The following IFNGR1 variants were observed in gnomAD, a reference collection of about 807,000 sequenced individuals.
IFNGR1 encodes interferon gamma receptor 1.
A neutral mutation model predicts 35.4 loss-of-function variants in IFNGR1; 23 were observed. The ratio of observed to expected loss-of-function variants is 0.65; its 90% CI spans 0.47 to 0.92. The LOEUF (loss-of-function observed/expected upper bound fraction) is 0.92, where lower values mean the gene tolerates loss of function less well. Among genes scored for constraint, IFNGR1 ranks in the 40% least tolerant of loss-of-function variants. IFNGR1 has a pLI of 0.00. For missense variants in IFNGR1, 533 were observed against 583.4 expected, an observed-to-expected ratio of 0.91 and a Z score of 0.89; for synonymous variants, 199 against 209.5, an observed-to-expected ratio of 0.95 and a Z score of 0.43.
chr6:137,209,909 T>G (rs901060551), intron 1 of IFNGR1: 16 of 398,520 alleles, frequency 4.0e-5, no homozygotes, highest in Middle Eastern at 6.2e-4. Flanking sequence ...CTCTCTGGGG[T>G]GTGCAGGGCT....
Position 137,215,147 on chromosome 6 carries a change from A to G in IFNGR1, c.85+4096T>C, listed in dbSNP as rs974527144. ...TGTTACCATACATATTTTACCAATG[A>G]GAAAACAAAGGCTTAGAGAAGTTAC... On this transcript the variant is annotated intron_variant, in intron 1 of 6. Transcript: ENST00000367739. 2.1e-4 allele frequency: 264 copies of G among 1,263,598 alleles called. 9 individuals are homozygous for G. The South Asian group carries it at 2.3e-3, about 11-fold the overall frequency. 78.3% of individuals were successfully genotyped at this position (1,263,598 alleles called of 1,614,324 possible).
chr6:137,216,434 A>T (rs1248731876), intron 1 of IFNGR1, among the ~76,000 whole-genome samples: 3 of 152,248 alleles, frequency 2.0e-5, no homozygotes, highest in Non-Finnish European at 4.4e-5. Context: ...TGGCACACAC[A>T]GATTTTATTT....
intron 6 of IFNGR1, among the ~76,000 whole-genome samples, chr6:137,200,543 C>A (rs1779252484): frequency 6.6e-6 from 1 of 152,176 alleles, no homozygotes; most frequent in South Asian, 2.1e-4. Flanking sequence ...CTAACCCCAC[C>A]CCAAAGCTGG....
In IFNGR1 at chr6:137,202,172, C is replaced by T. The variant is rs1467561510; in HGVS notation, c.734-1164G>A. Among the ~76,000 whole-genome samples the T allele has an allele frequency of 2.6e-5, 4 of 152,256 alleles. No individual in the cohort carries two copies. The East Asian group carries it at 5.8e-4, about 22-fold the overall frequency. ...ACAAAAGTAAAAAGGAAAATAACTACAAAACCAACATTAGTGCTGTTAGAA... is the reference window on the plus strand; with the variant it reads ...ACAAAAGTAAAAAGGAAAATAACTATAAAACCAACATTAGTGCTGTTAGAA... On this transcript the variant is annotated intron_variant, in intron 5 of 6. Transcript: ENST00000367739.
At chr6:137,210,976 A>G (rs1779561889) in intron 1 of IFNGR1, among the ~76,000 whole-genome samples, 1 of 152,162 alleles carries the variant, frequency 6.6e-6, no homozygotes, top group East Asian at 1.9e-4. Flanking sequence ...ATTAAATGCT[A>G]TCACCATTAT....
chr6:137,199,794 A>C (rs1779233949), intron 6 of IFNGR1, among the ~76,000 whole-genome samples: 1 of 150,752 alleles, frequency 6.6e-6, no homozygotes, highest in Admixed American at 6.7e-5. Context: ...TTATTTCTTT[A>C]TACTGATAAA....
At chr6:137,215,442 T>C in intron 1 of IFNGR1, 2 of 1,011,464 alleles carry the variant, frequency 2.0e-6, no homozygotes, top group Non-Finnish European at 2.9e-6. Context: ...CCTAAACAGA[T>C]ACCTAGTATT....
At chr6:137,219,179 T>G (rs111514733) in intron 1 of IFNGR1, 64 bp downstream of exon 1, 1 of 1,546,614 alleles carries the variant, frequency 6.5e-7, no homozygotes, top group African/African-American at 1.4e-5. Context: ...GCTTCCCGGC[T>G]GGGGCGGATC....
chr6:137,197,905 C>G lies in IFNGR1; in HGVS notation c.*126G>C. The G allele has an allele frequency of 7.9e-7, 1 of 1,266,692 alleles. No individual in the cohort carries two copies. Among genetic ancestry groups the G allele is most frequent in the Non-Finnish European group, 1.1e-6 (1 of 880,460 alleles). 78.5% of individuals were successfully genotyped at this position (1,266,692 alleles called of 1,614,324 possible). On this transcript the variant is annotated 3_prime_UTR_variant, in exon 7 of 7. Coordinates refer to ENST00000367739, the MANE Select transcript of IFNGR1 (RefSeq NM_000416.3). ...CATCCTCTTTACGCTTTCATGTACA[C>G]TAAGTCACTCCATTTGGTTGATACC...
At chr6:137,206,689 C>G in intron 2 of IFNGR1, 1 of 466,986 alleles carries the variant, frequency 2.1e-6, no homozygotes, top group Middle Eastern at 5.6e-4. Flanking sequence ...TAAAAATACA[C>G]TACAGGAAGA....
chr6:137,203,463 C>G, intron 5 of IFNGR1, 36 bp downstream of exon 5: 1 of 1,073,286 alleles, frequency 9.3e-7, no homozygotes, highest in Non-Finnish European at 1.5e-6. Flanking sequence ...AGTTACTGCT[C>G]CCTCTATATT....
chr6:137,206,861 G>A (rs2114489494), intron 2 of IFNGR1, 102 bp downstream of exon 2: 3 of 886,342 alleles, frequency 3.4e-6, no homozygotes, highest in Non-Finnish European at 5.5e-6. Context: ...AGTTTAGAAT[G>A]TTTTGCCACG....
intron 1 of IFNGR1, chr6:137,218,486 C>A: frequency 7.8e-7 from 1 of 1,289,310 alleles, no homozygotes; most frequent in Non-Finnish European, 1.0e-6. Flanking sequence ...CAATCCACCA[C>A]TTCCAGACTG....
At chr6:137,217,358 G>A (rs901287284) in intron 1 of IFNGR1, among the ~76,000 whole-genome samples, 1 of 152,180 alleles carries the variant, frequency 6.6e-6, no homozygotes, top group Non-Finnish European at 1.5e-5. Context: ...ACTTCAGCAA[G>A]GCATAGTGGG....
At chr6:137,216,094 C>A (rs763463536) in intron 1 of IFNGR1, among the ~76,000 whole-genome samples, 3 of 152,168 alleles carry the variant, frequency 2.0e-5, no homozygotes, top group Non-Finnish European at 4.4e-5. Flanking sequence ...ATTTAATACC[C>A]TATTCAATAA....
chr6:137,198,443 G>C lies in IFNGR1; in HGVS notation c.1058C>G (p.Thr353Arg). 1.2e-6 allele frequency: 2 copies of C among 1,614,114 alleles called. No homozygotes were observed. The highest frequency in any genetic ancestry group is 8.5e-7 in the Non-Finnish European group (1 of 1,180,032). The change falls in exon 7 of 7, where the codon ACA (threonine) becomes AGA (arginine). Residue 353 changes from threonine to arginine, a missense_variant. By Grantham distance (71) the Thr-to-Arg change is moderately conservative. Coordinates refer to ENST00000367739, the MANE Select transcript of IFNGR1 (RefSeq NM_000416.3). The stretch of plus-strand genomic sequence containing the variant: ...ATTTTCTTCAGTAGTCACCACTTCT[G>C]TTATACTAGAAAGTTCTTCTGTATG... ...VEHTEELSSI[T>R]EVVTTEENIP...
intron 6 of IFNGR1, among the ~76,000 whole-genome samples, chr6:137,198,987 G>A (rs1283635324): frequency 6.6e-6 from 1 of 152,060 alleles, no homozygotes. Context: ...TGAGTCAGTG[G>A]GCTGGGAAAG....
intron 4 of IFNGR1, 84 bp from the exon 5 acceptor site, chr6:137,203,769 A>T (rs1386260360): frequency 9.2e-7 from 1 of 1,091,486 alleles, no homozygotes; most frequent in East Asian, 2.5e-5. Flanking sequence ...GTCCTGGTCA[A>T]ACAACTGAAG....
At chr6:137,199,458 CTTATATTATATAAAATATATAATTT>C (rs1779193975) in intron 6 of IFNGR1, among the ~76,000 whole-genome samples, 1 of 23,704 alleles carries the variant, frequency 4.2e-5, no homozygotes, top group Non-Finnish European at 7.3e-5. Context: ...AAATATATAA[CTTATATTATATAAAATATATAATTT>C]ATAATATATT....
Sources: gnomAD v4.1 joint callset for allele counts (sites outside exome capture counted in the v4.1 genomes callset) on GRCh38, gnomAD v4.1.1 for gene constraint, MANE v1.5 for transcripts, NCBI Gene and HGNC (gene_info 2026-07-23, HGNC 2026-07-21) for gene names.